The following PARM1 variants were observed in gnomAD, a reference collection of about 807,000 sequenced individuals.
PARM1 encodes the protein WSC4, cell wall integrity and stress response component 4 homolog.
PARM1 carries 14 observed loss-of-function variants against 24.6 expected under a neutral mutation model. The observed-to-expected ratio is 0.57, with a 90% confidence interval of 0.38 to 0.89. PARM1 has a LOEUF of 0.89. Ranked by LOEUF, PARM1 falls within the 40% of genes least tolerant of loss-of-function variation. The pLI is 0.00. For synonymous variants in PARM1, 179 were observed against 156.6 expected (o/e 1.14, Z -1.07); for missense variants, 362 against 380.4 (o/e 0.95, Z 0.40).
At chr4:74,959,523 T>C (rs1166188753) in intron 1 of PARM1, among the ~76,000 whole-genome samples, 1 of 152,240 alleles carries the variant, frequency 6.6e-6, no homozygotes, top group Non-Finnish European at 1.5e-5. Flanking sequence ...TAATATAATA[T>C]GCATGCTGCA....
chr4:75,042,301 A>G (rs945055652), intron 3 of PARM1, among the ~76,000 whole-genome samples: 1 of 152,224 alleles, frequency 6.6e-6, no homozygotes, highest in South Asian at 2.1e-4. Flanking sequence ...CGGAGCCAAG[A>G]CACAGCAAAG....
At chr4:75,025,728 C>T (rs1485894607) in intron 2 of PARM1, among the ~76,000 whole-genome samples, 1 of 152,154 alleles carries the variant, frequency 6.6e-6, no homozygotes, top group African/African-American at 2.4e-5. Flanking sequence ...TTATCTCAAC[C>T]AAGATTAATA....
Position 75,028,309 on chromosome 4 carries a change from G to A in PARM1, c.770-5574G>A, listed in dbSNP as rs544516593. Among the ~76,000 whole-genome samples, 146 of 152,328 alleles carry A rather than the reference G, an allele frequency of 9.6e-4. 1 individual carries two copies. Among genetic ancestry groups the A allele is most frequent in the Admixed American group, 1.8e-3 (27 of 15,296 alleles). On this transcript the variant is annotated intron_variant, in intron 2 of 3. Coordinates refer to ENST00000307428, the MANE Select transcript of PARM1 (RefSeq NM_015393.4). ...ATTCGGCACACACAGAGTTCTAACT[G>A]TCAAGCCCTCGCCAGTCGCCCACTT... is the stretch of plus-strand genomic sequence containing the variant.
chr4:74,974,948 C>A (rs1261584486), intron 1 of PARM1, among the ~76,000 whole-genome samples: 1 of 152,102 alleles, frequency 6.6e-6, no homozygotes, highest in Admixed American at 6.5e-5. Context: ...CTTTTGAGAC[C>A]CTGATCTCAG....
At chr4:74,986,407 A>T (rs1287620535) in intron 1 of PARM1, among the ~76,000 whole-genome samples, 1 of 152,222 alleles carries the variant, frequency 6.6e-6, no homozygotes, top group Non-Finnish European at 1.5e-5. Flanking sequence ...TCATGACTTA[A>T]CCAGTCCCAT....
chr4:75,034,878 A>T (rs953028819), intron 3 of PARM1: 5 of 152,352 alleles, frequency 3.3e-5, no homozygotes, highest in African/African-American at 9.7e-5. Flanking sequence ...CTCCCCTTGC[A>T]CTGAGAATTA....
At chr4:74,936,845 C>T (rs549822628) in intron 1 of PARM1, among the ~76,000 whole-genome samples, 2 of 152,228 alleles carry the variant, frequency 1.3e-5, no homozygotes, top group African/African-American at 2.4e-5. Flanking sequence ...TTTCTGAATA[C>T]TCAAGAAGGA....
At chr4:74,953,962 G>T (rs1454488104) in intron 1 of PARM1, among the ~76,000 whole-genome samples, 3 of 152,136 alleles carry the variant, frequency 2.0e-5, no homozygotes. Context: ...CTCTACCTTG[G>T]CTGGCCTGGC....
At chr4:75,034,519 T>C (rs1723332452) in intron 3 of PARM1, among the ~76,000 whole-genome samples, 1 of 152,226 alleles carries the variant, frequency 6.6e-6, no homozygotes, top group African/African-American at 2.4e-5. Flanking sequence ...ATATCTTTTC[T>C]CCTATGAAAT....
At chr4:74,949,716 T>C (rs905502332) in intron 1 of PARM1, among the ~76,000 whole-genome samples, 5 of 152,156 alleles carry the variant, frequency 3.3e-5, no homozygotes, top group African/African-American at 1.2e-4. Context: ...AGTTGTCATG[T>C]TTGAAATGTG....
chr4:74,960,496 C>T (rs1721746743), intron 1 of PARM1, among the ~76,000 whole-genome samples: 1 of 151,974 alleles, frequency 6.6e-6, no homozygotes, highest in Non-Finnish European at 1.5e-5. Context: ...CTGACACAGC[C>T]TACAGCAATT....
At chr4:74,940,202 C>T (rs539449551) in intron 1 of PARM1, among the ~76,000 whole-genome samples, 28 of 152,264 alleles carry the variant, frequency 1.8e-4, no homozygotes, top group African/African-American at 5.1e-4. Context: ...AGTACACAAG[C>T]GTAACTTCAT....
intron 2 of PARM1, among the ~76,000 whole-genome samples, chr4:75,029,996 C>T (rs2217058): frequency 0.035 from 5,271 of 151,990 alleles, 321 homozygotes; most frequent in African/African-American, 0.12. Context: ...GCTAACAGTG[C>T]ACAAAGAAAT....
chr4:75,015,068 T>TA (rs938744315), intron 2 of PARM1, among the ~76,000 whole-genome samples: 2 of 152,228 alleles, frequency 1.3e-5, no homozygotes, highest in African/African-American at 4.8e-5. Context: ...TTTCAGTTTT[T>TA]AACCAGCCAC....
At chr4:74,940,885 G>A (rs917369598) in intron 1 of PARM1, among the ~76,000 whole-genome samples, 1 of 152,186 alleles carries the variant, frequency 6.6e-6, no homozygotes, top group Non-Finnish European at 1.5e-5. Flanking sequence ...TAAGATCCCA[G>A]TCATTCTATT....
intron 1 of PARM1, among the ~76,000 whole-genome samples, chr4:74,940,845 G>A (rs951152465): frequency 1.3e-5 from 2 of 152,182 alleles, no homozygotes; most frequent in Admixed American, 6.5e-5. Context: ...TAGTTACAAT[G>A]CACTGTCTGT....
chr4:75,012,720 C>T lies in PARM1; in HGVS notation c.339C>T (p.Ser113=), dbSNP rs141560785. The T allele has an allele frequency of 4.0e-5, 65 of 1,613,942 alleles. No homozygotes were observed. The South Asian group carries it at 4.3e-4, about 11-fold the overall frequency. ...CACCTTCTGGGTTCTCGTCAACAAG[C>T]GGTGGAGTCCACTTAACAACCACGT... The part of the protein sequence containing the change: ...DPSPSGFSST[S]GGVHLTTTLE... The change falls in exon 2 of 4, where the codon AGC becomes AGT. Residue 113 remains serine (S), a synonymous_variant. Coordinates refer to ENST00000307428, the MANE Select transcript of PARM1 (RefSeq NM_015393.4).
intron 1 of PARM1, 52 bp downstream of exon 1, chr4:74,933,422 G>C: frequency 6.5e-7 from 1 of 1,527,140 alleles, no homozygotes; most frequent in Non-Finnish European, 9.1e-7. Flanking sequence ...GGCCCCAGTA[G>C]CTAGCGCGTG....
At chr4:75,021,421 A>C (rs765850048) in intron 2 of PARM1, among the ~76,000 whole-genome samples, 1 of 148,460 alleles carries the variant, frequency 6.7e-6, no homozygotes, top group Non-Finnish European at 1.5e-5. Flanking sequence ...TCTCACTCAT[A>C]TTTTTTTCTT....
Sources: allele counts gnomAD v4.1 joint callset (sites outside exome capture counted in the v4.1 genomes callset), GRCh38; gene constraint gnomAD v4.1.1; transcripts MANE v1.5; gene names NCBI Gene and HGNC (gene_info 2026-07-23, HGNC 2026-07-21).